The following NT5C1A variants were observed in gnomAD, a reference collection of about 807,000 sequenced individuals.
NT5C1A encodes 5'-nucleotidase, cytosolic IA, also known as cytosolic 5'-nucleotidase 1A.
A neutral mutation model predicts 31.0 loss-of-function variants in NT5C1A; 18 were observed. That is an observed-to-expected ratio of 0.58 (90% CI 0.40 to 0.86). The LOEUF (loss-of-function observed/expected upper bound fraction) is 0.86, where lower values mean the gene tolerates loss of function less well. NT5C1A is among the 40% of genes least tolerant of loss of function. The probability of loss-of-function intolerance (pLI) is 0.00; values close to 1 mark genes in which losing one functional copy is unlikely to be tolerated. For missense variants in NT5C1A, 470 were observed against 505.4 expected, an observed-to-expected ratio of 0.93 and a Z score of 0.67; for synonymous variants, 185 against 203.6, an observed-to-expected ratio of 0.91 and a Z score of 0.78.
chr1:39,657,932 C>T lies in NT5C1A; in HGVS notation c.*1189G>A, dbSNP rs561843532. On this transcript the variant is annotated 3_prime_UTR_variant, in exon 6 of 6. Transcript: ENST00000235628. Reference sequence around the variant, plus strand: ...CCAGACCTCCTGACACTTCCCACTTCACCCCAGGCAGCACCTCACCCTGGG... The same window carrying T: ...CCAGACCTCCTGACACTTCCCACTTTACCCCAGGCAGCACCTCACCCTGGG... Among the ~76,000 whole-genome samples, 1 of 152,318 alleles carries T rather than the reference C, an allele frequency of 6.6e-6. No individual in the cohort carries two copies. Among genetic ancestry groups the T allele is most frequent in the African/African-American group, 2.4e-5 (1 of 41,576 alleles).
In NT5C1A at chr1:39,654,912, G is replaced by A. The variant is rs1432150935; in HGVS notation, c.*4209C>T. On this transcript the variant is annotated 3_prime_UTR_variant, in exon 6 of 6. Transcript: ENST00000235628. ...GCCATAAACATATGTAAACAAATGG[G>A]CATGGCTATGTTCTAATCAAAGTTT... 6.6e-6 allele frequency among the ~76,000 whole-genome samples: 1 copy of A among 152,072 alleles called. No homozygotes were observed. The highest frequency in any genetic ancestry group is 1.5e-5 in the Non-Finnish European group (1 of 68,024).
chr1:39,660,810 CA>C (rs1646489241), intron 5 of NT5C1A, among the ~76,000 whole-genome samples: 1 of 151,792 alleles, frequency 6.6e-6, no homozygotes, highest in South Asian at 2.1e-4. Flanking sequence ...ATTTGAGCTG[CA>C]GAGGGGGGAT....
rs913945310 is a variant in NT5C1A, at chr1:39,653,264, C to T, written c.*5857G>A. Among the ~76,000 whole-genome samples the T allele has an allele frequency of 3.4e-4, 52 of 151,060 alleles. 1 individual carries two copies. Among genetic ancestry groups the T allele is most frequent in the African/African-American group, 4.9e-5 (2 of 40,992 alleles). On this transcript the variant is annotated 3_prime_UTR_variant, in exon 6 of 6. Coordinates refer to ENST00000235628, the MANE Select transcript of NT5C1A (RefSeq NM_032526.3). ...CTCGGTGGCCCCCAAGCTGCACATA[C>T]GCAAATGCCCATGTTATGATGGAAA...
In NT5C1A at chr1:39,655,759, G is replaced by A. The variant is rs1646455400; in HGVS notation, c.*3362C>T. 6.6e-6 allele frequency among the ~76,000 whole-genome samples: 1 copy of A among 151,948 alleles called. No individual in the cohort carries two copies. Among genetic ancestry groups the A allele is most frequent in the Admixed American group, 6.6e-5 (1 of 15,252 alleles). ...CATAGTGCCGCTGCAGCCTCCTAGA[G>A]GCTGCATTGTGGGAAAATGGAGCGC... On this transcript the variant is annotated 3_prime_UTR_variant, in exon 6 of 6. Coordinates refer to ENST00000235628, the MANE Select transcript of NT5C1A (RefSeq NM_032526.3).
chr1:39,659,401 C>A lies in NT5C1A; in HGVS notation c.827G>T (p.Arg276Leu), dbSNP rs148676406. 1.9e-6 allele frequency: 3 copies of A among 1,613,428 alleles called. No individual in the cohort carries two copies. The highest frequency in any genetic ancestry group is 2.5e-6 in the Non-Finnish European group (3 of 1,179,802). Reference protein sequence around the residue: ...SKGLRLECPIRTYLVTARSAA... With the variant: ...SKGLRLECPILTYLVTARSAA... Reference sequence around the variant, plus strand: ...ACTGCGTGCTGTCACCAAGTAGGTACGAATTGGGCACTCCAGCCGCAGGCC... The same window carrying A: ...ACTGCGTGCTGTCACCAAGTAGGTAAGAATTGGGCACTCCAGCCGCAGGCC... The change falls in exon 6 of 6, where the codon CGT becomes CTT. Residue 276 changes from arginine to leucine, a missense_variant. Physicochemically the swap from Arg to Leu is moderately radical, Grantham distance 102. Coordinates refer to ENST00000235628, the MANE Select transcript of NT5C1A (RefSeq NM_032526.3).
Position 39,661,060 on chromosome 1 carries a change from C to T in NT5C1A, c.741+19G>A. On this transcript the variant is annotated intron_variant, in intron 5 of 5. Coordinates refer to ENST00000235628, the MANE Select transcript of NT5C1A (RefSeq NM_032526.3). Reference sequence around the variant, plus strand: ...AGCTGCCTTGTTCCTCTCAGGGGTTCTGGGTCTATGGGGAGCACCTGAGCC... The same window carrying T: ...AGCTGCCTTGTTCCTCTCAGGGGTTTTGGGTCTATGGGGAGCACCTGAGCC... The T allele has an allele frequency of 6.6e-7, 1 of 1,514,656 alleles. No individual in the cohort carries two copies. Among genetic ancestry groups the T allele is most frequent in the Non-Finnish European group, 9.1e-7 (1 of 1,096,448 alleles). 93.8% of individuals were successfully genotyped at this position (1,514,656 alleles called of 1,614,324 possible).
chr1:39,663,293 C>A lies in NT5C1A; in HGVS notation c.556+19G>T. 1.9e-6 allele frequency: 3 copies of A among 1,614,088 alleles called. No individual in the cohort carries two copies. The highest frequency in any genetic ancestry group is 2.5e-6 in the Non-Finnish European group (3 of 1,179,954). ...CCTTTGCTGCACTCCCCATATTCTT[C>A]CTCTTCACTTAGACTTACCCTCATC... On this transcript the variant is annotated intron_variant, in intron 4 of 5. Transcript: ENST00000235628.
chr1:39,665,239 G>A (rs1357770937), intron 3 of NT5C1A, among the ~76,000 whole-genome samples: 1 of 152,208 alleles, frequency 6.6e-6, no homozygotes, highest in South Asian at 2.1e-4. Context: ...GGACTGGCTT[G>A]CAAGAGCCCA....
Position 39,663,355 on chromosome 1 carries a change from G to T in NT5C1A, c.513C>A (p.Tyr171Ter). Residue 171 changes from tyrosine to a stop codon, truncating the protein, a stop_gained, in exon 4 of 6, where the codon TAC becomes TAA. Coordinates refer to ENST00000235628, the MANE Select transcript of NT5C1A (RefSeq NM_032526.3). LOFTEE classifies it high-confidence loss of function. ...GCACTTTTTCCGCATCGGCTGACAAGTAGAGGTTGGTGTGATAGGCCTTGA... is the reference window on the plus strand; with the variant it reads ...GCACTTTTTCCGCATCGGCTGACAATTAGAGGTTGGTGTGATAGGCCTTGA... ...CYLKAYHTNL[Y>*]LSADAEKVRE... 6 of 1,614,152 alleles carry T rather than the reference G, an allele frequency of 3.7e-6. No homozygotes were observed. Among genetic ancestry groups the T allele is most frequent in the Non-Finnish European group, 2.5e-6 (3 of 1,180,030 alleles).
At position 39,659,439 on chromosome 1, in the gene NT5C1A, C is replaced by T. The variant is rs139206635; in HGVS notation, c.789G>A (p.Lys263=). The T allele has an allele frequency of 2.8e-3, 4,524 of 1,606,210 alleles. 3 individuals carry two copies. The highest frequency in any genetic ancestry group is 3.4e-3 in the Non-Finnish European group (4,010 of 1,175,098). Reference sequence around the variant, plus strand: ...CCAGCCGCAGGCCTTTGGAGTAGAACTTCTTCTGCAACCTACCCAGTGCCT... The same window carrying T: ...CCAGCCGCAGGCCTTTGGAGTAGAATTTCTTCTGCAACCTACCCAGTGCCT... The part of the protein sequence containing the change: ...FLEALGRLQK[K]FYSKGLRLEC... Residue 263 remains lysine (K), a synonymous_variant, in exon 6 of 6, where the codon AAG becomes AAA. Transcript: ENST00000235628.
Position 39,665,609 on chromosome 1 carries a change from A to C in NT5C1A, c.345T>G (p.Pro115=). ...CGATGTCGAAGACGTCCTCACTATC[A>C]GGGTACAGCTCCCGCAGCCGCCTGT... ...AVNRRLRELY[P]DSEDVFDIVL... The change falls in exon 3 of 6, where the codon CCT becomes CCG. Residue 115 remains proline (P), a synonymous_variant. Coordinates refer to ENST00000235628, the MANE Select transcript of NT5C1A (RefSeq NM_032526.3). 1.2e-6 allele frequency: 2 copies of C among 1,613,314 alleles called. No individual in the cohort carries two copies. The highest frequency in any genetic ancestry group is 3.3e-5 in the Admixed American group (2 of 60,008).
intron 1 of NT5C1A, among the ~76,000 whole-genome samples, chr1:39,670,868 C>CA (rs1646547100): frequency 9.2e-6 from 1 of 108,918 alleles, no homozygotes; most frequent in African/African-American, 3.3e-5. Flanking sequence ...CACTACTCTA[C>CA]TCCCCCCCCA....
chr1:39,660,040 A>G (rs1157075751), intron 5 of NT5C1A, among the ~76,000 whole-genome samples: 1 of 152,234 alleles, frequency 6.6e-6, no homozygotes, highest in Non-Finnish European at 1.5e-5. Flanking sequence ...TGTGAGAATA[A>G]AAAAACAGAC....
chr1:39,671,449 G>C (rs1235709793), intron 1 of NT5C1A, among the ~76,000 whole-genome samples: 1 of 152,234 alleles, frequency 6.6e-6, no homozygotes, highest in Non-Finnish European at 1.5e-5. Context: ...CCAGGACCCA[G>C]AGCCAGACCC....
rs1343044205 is a variant in NT5C1A, at chr1:39,664,356, G to A, written c.434-922C>T. Among the ~76,000 whole-genome samples, 3 of 147,948 alleles carry A rather than the reference G, an allele frequency of 2.0e-5. No homozygotes were observed. The East Asian group carries it at 6.1e-4, about 30-fold the overall frequency. ...TTTTTAGTAGAGACGCCGTTTCACG[G>A]TGTTAGCAATCCAATCTCCTGACCT... On this transcript the variant is annotated intron_variant, in intron 3 of 5. Transcript: ENST00000235628.
At chr1:39,665,417 G>T (rs734497) in intron 3 of NT5C1A, 104 bp downstream of exon 3, 176,773 of 1,137,356 alleles carry the variant, frequency 0.16, 15,301 homozygotes, top group South Asian at 0.23. Context: ...TGGACTTGGG[G>T]TTCTGGTCAG....
rs1219105876 is a variant in NT5C1A, at chr1:39,651,707, T to G, written c.*7414A>C. On this transcript the variant is annotated 3_prime_UTR_variant, in exon 6 of 6. Transcript: ENST00000235628. ...GATGCTCTTAAGTAGAAACCAGAAG[T>G]TAAGTATATGTGCGCTATTACATTA... Among the ~76,000 whole-genome samples the G allele has an allele frequency of 1.3e-5, 2 of 152,036 alleles. No homozygotes were observed. The highest frequency in any genetic ancestry group is 4.8e-5 in the African/African-American group (2 of 41,398).
rs771233282 is a variant in NT5C1A at position 39,663,304 on chromosome 1, A to G, written c.556+8T>C. 4 of 1,614,022 alleles carry G rather than the reference A, an allele frequency of 2.5e-6. No homozygotes were observed. In the East Asian group the frequency reaches 8.9e-5, roughly 36 times the overall value. On this transcript the variant is annotated splice_region_variant and intron_variant, in intron 4 of 5. Coordinates refer to ENST00000235628, the MANE Select transcript of NT5C1A (RefSeq NM_032526.3). ...CTCCCCATATTCTTCCTCTTCACTTAGACTTACCCTCATCAATGGCTTCTC... is the reference window on the plus strand; with the variant it reads ...CTCCCCATATTCTTCCTCTTCACTTGGACTTACCCTCATCAATGGCTTCTC...
At chr1:39,666,006 G>A in intron 2 of NT5C1A, 63 bp downstream of exon 2, 2 of 1,475,082 alleles carry the variant, frequency 1.4e-6, no homozygotes, top group Non-Finnish European at 1.9e-6. Flanking sequence ...ATACTCATGG[G>A]AGTGCTTTTT....
Sources: allele counts gnomAD v4.1 joint callset (sites outside exome capture counted in the v4.1 genomes callset), GRCh38; gene constraint gnomAD v4.1.1; transcripts MANE v1.5; gene names NCBI Gene and HGNC (gene_info 2026-07-23, HGNC 2026-07-21).